The following PCSK2 variants were observed in gnomAD, a reference collection of about 807,000 sequenced individuals.
PCSK2 encodes neuroendocrine convertase 2.
A neutral mutation model predicts 69.7 loss-of-function variants in PCSK2; 14 were observed. The ratio of observed to expected loss-of-function variants is 0.20; its 90% CI spans 0.13 to 0.31. PCSK2 has a LOEUF of 0.31. PCSK2 is among the 10% of genes least tolerant of loss of function. The pLI, the probability that PCSK2 is intolerant of heterozygous loss-of-function variation, is 1.00. For missense variants in PCSK2, 544 were observed against 842.5 expected (o/e 0.65, Z 4.39); for synonymous variants, 307 against 320.7 (o/e 0.96, Z 0.46).
intron 2 of PCSK2, among the ~76,000 whole-genome samples, chr20:17,325,514 A>C (rs1484187491): frequency 1.3e-5 from 2 of 152,238 alleles, no homozygotes; most frequent in Non-Finnish European, 2.9e-5. Context: ...AATATTTTTC[A>C]AAGTTTTTAT....
intron 6 of PCSK2, among the ~76,000 whole-genome samples, chr20:17,415,474 T>A (rs1184332007): frequency 5.3e-5 from 8 of 152,130 alleles, no homozygotes; most frequent in Admixed American, 5.2e-4. Flanking sequence ...GAATCCAACT[T>A]ACAAGGGATG....
chr20:17,444,930 C>A (rs2032669141), intron 8 of PCSK2, among the ~76,000 whole-genome samples: 2 of 152,222 alleles, frequency 1.3e-5, no homozygotes, highest in African/African-American at 2.4e-5. Flanking sequence ...CACAGAGCAG[C>A]CTTTCAGCCT....
chr20:17,299,504 G>A (rs1245882444), intron 2 of PCSK2, among the ~76,000 whole-genome samples: 1 of 151,070 alleles, frequency 6.6e-6, no homozygotes, highest in African/African-American at 2.4e-5. Context: ...TATTCTTTCA[G>A]AAGAATTCTG....
chr20:17,371,604 GC>G, intron 5 of PCSK2, among the ~76,000 whole-genome samples: 1 of 152,110 alleles, frequency 6.6e-6, no homozygotes, highest in East Asian at 1.9e-4. Context: ...TTCAAAACTA[GC>G]CATAATACCA....
intron 5 of PCSK2, among the ~76,000 whole-genome samples, chr20:17,385,221 A>C (rs1248220864): frequency 6.6e-6 from 1 of 152,164 alleles, no homozygotes; most frequent in Admixed American, 6.5e-5. Context: ...CCCTGGTCTA[A>C]TCAGTTGTGT....
At chr20:17,345,984 C>T (rs1370251744) in intron 2 of PCSK2, among the ~76,000 whole-genome samples, 1 of 152,150 alleles carries the variant, frequency 6.6e-6, no homozygotes, top group Non-Finnish European at 1.5e-5. Flanking sequence ...AGCTTGCTGG[C>T]CATATACAGC....
chr20:17,347,976 AAGAAAG>A (rs1194167284), intron 2 of PCSK2, among the ~76,000 whole-genome samples: 8 of 135,958 alleles, frequency 5.9e-5, no homozygotes, highest in African/African-American at 2.1e-4. Flanking sequence ...GAAAGAAAGA[AAGAAAG>A]AGGAGAGAGA....
intron 2 of PCSK2, among the ~76,000 whole-genome samples, chr20:17,292,971 C>T (rs573124529): frequency 7.2e-5 from 11 of 152,050 alleles, no homozygotes; most frequent in South Asian, 2.1e-4. Context: ...ACTACAGGCA[C>T]GCAGCATTAT....
chr20:17,227,225 C>A lies in PCSK2; in HGVS notation c.-81C>A, dbSNP rs1985950449. The stretch of plus-strand genomic sequence containing the variant: ...TTTTTAAAAACTATATATAAGAATT[C>A]TTTATTTGCACCCTCCCTCCGAGTC... On this transcript the variant is annotated 5_prime_UTR_variant, in exon 1 of 12. Coordinates refer to ENST00000262545, the MANE Select transcript of PCSK2 (RefSeq NM_002594.5). The A allele has an allele frequency of 1.0e-6, 1 of 953,004 alleles. No individual in the cohort carries two copies. The highest frequency in any genetic ancestry group is 1.6e-6 in the Non-Finnish European group (1 of 606,396). The allele number at this position is 953,004 out of a possible 1,614,324, so 59.0% of individuals were successfully genotyped here.
intron 11 of PCSK2, among the ~76,000 whole-genome samples, chr20:17,476,173 T>G (rs929862326): frequency 3.9e-5 from 6 of 152,296 alleles, no homozygotes; most frequent in Admixed American, 6.5e-5. Context: ...AAGCTGCAGT[T>G]TCCCCAACTG....
intron 11 of PCSK2, among the ~76,000 whole-genome samples, chr20:17,468,396 G>T (rs1312790604): frequency 1.4e-4 from 19 of 135,078 alleles, no homozygotes; most frequent in African/African-American, 5.5e-4. Flanking sequence ...CATCCTCCAC[G>T]GGCCAGCGTC....
At chr20:17,367,098 T>C (rs1005975912) in intron 4 of PCSK2, among the ~76,000 whole-genome samples, 2 of 151,350 alleles carry the variant, frequency 1.3e-5, no homozygotes, top group Non-Finnish European at 2.9e-5. Flanking sequence ...ATATAAATAT[T>C]TAAAATATAA....
At chr20:17,378,589 ACGG>A in intron 5 of PCSK2, among the ~76,000 whole-genome samples, 2 of 146,098 alleles carry the variant, frequency 1.4e-5, no homozygotes, top group African/African-American at 5.4e-5. Flanking sequence ...GGATGGATGG[ACGG>A]ATGGATGGAT....
At chr20:17,304,445 C>T (rs1989263489) in intron 2 of PCSK2, among the ~76,000 whole-genome samples, 1 of 152,118 alleles carries the variant, frequency 6.6e-6, no homozygotes, top group Admixed American at 6.6e-5. Context: ...TCCATGATTT[C>T]TTATCTTTTT....
chr20:17,434,241 CCTT>C (rs1249630103), intron 7 of PCSK2, among the ~76,000 whole-genome samples: 1 of 151,294 alleles, frequency 6.6e-6, no homozygotes, highest in East Asian at 2.0e-4. Flanking sequence ...CTCTCTCTCT[CCTT>C]CTCTCCCTCT....
At chr20:17,326,773 C>T (rs1268032806) in intron 2 of PCSK2, among the ~76,000 whole-genome samples, 1 of 152,152 alleles carries the variant, frequency 6.6e-6, no homozygotes, top group Non-Finnish European at 1.5e-5. Context: ...GAAGAAAAAG[C>T]CCTCTTCTGG....
chr20:17,251,715 G>A (rs964437936), intron 1 of PCSK2, among the ~76,000 whole-genome samples: 1 of 152,116 alleles, frequency 6.6e-6, no homozygotes, highest in South Asian at 2.1e-4. Context: ...CCAAAATTTG[G>A]TGGTATAAAA....
intron 2 of PCSK2, among the ~76,000 whole-genome samples, chr20:17,283,650 T>A (rs565852899): frequency 1.3e-5 from 2 of 152,364 alleles, no homozygotes; most frequent in South Asian, 4.1e-4. Context: ...ATATGGCCAC[T>A]GTATGAGTTC....
intron 2 of PCSK2, among the ~76,000 whole-genome samples, chr20:17,291,289 A>G (rs371544969): frequency 6.6e-6 from 1 of 152,154 alleles, no homozygotes; most frequent in South Asian, 2.1e-4. Flanking sequence ...ATCTTTTTAC[A>G]CAGATGGCAG....
Sources: gnomAD v4.1 joint callset for allele counts (sites outside exome capture counted in the v4.1 genomes callset) on GRCh38, gnomAD v4.1.1 for gene constraint, MANE v1.5 for transcripts, NCBI Gene and HGNC (gene_info 2026-07-23, HGNC 2026-07-21) for gene names.